WDR87: variants seen among roughly 807,000 people sequenced by gnomAD.
WDR87 encodes the protein WD repeat-containing protein 87.
In WDR87, 56 loss-of-function variants were observed where a neutral mutation model predicts 83.3. The ratio of observed to expected loss-of-function variants is 0.67; its 90% CI spans 0.54 to 0.84. WDR87 has a LOEUF of 0.84. Ranked by LOEUF, WDR87 falls within the 40% of genes least tolerant of loss-of-function variation. The probability of loss-of-function intolerance (pLI) is 0.00; values close to 1 mark genes in which losing one functional copy is unlikely to be tolerated. For synonymous variants in WDR87, 1,173 were observed against 1,250.6 expected (o/e 0.94, Z 1.31); for missense variants, 2,939 against 3,431.9 (o/e 0.86, Z 3.59).
Position 37,888,219 on chromosome 19 carries a change from G to A in WDR87, c.5452C>T (p.Gln1818Ter), listed in dbSNP as rs986247920. 4 of 1,551,934 alleles carry A rather than the reference G, an allele frequency of 2.6e-6. No individual in the cohort carries two copies. The highest frequency in any genetic ancestry group is 1.7e-6 in the Non-Finnish European group (2 of 1,147,082). Residue 1818 changes from glutamine to a stop codon, truncating the protein, a stop_gained, in exon 6 of 6, where the codon CAG becomes TAG. Coordinates refer to ENST00000447313, the MANE Select transcript of WDR87 (RefSeq NM_001291088.2). LOFTEE classifies it low-confidence loss of function (END_TRUNC). ...KLAQEEELLIQEKEKLAQHKE... is the reference protein window; with the variant it reads ...KLAQEEELLI ...TGCTGGGCCAGTTTCTCCTTTTCCT[G>A]GATCAGCAACTCTTCTTCCTGGGCC...
intron 2 of WDR87, among the ~76,000 whole-genome samples, chr19:37,897,520 T>C (rs2046265712): frequency 6.6e-6 from 1 of 151,976 alleles, no homozygotes; most frequent in Non-Finnish European, 1.5e-5. Flanking sequence ...CTGGGATCCT[T>C]GTATGCAGAG....
At position 37,889,793 on chromosome 19, in the gene WDR87, A is replaced by T. The variant is rs1437569229; in HGVS notation, c.3878T>A (p.Ile1293Lys). The change falls in exon 6 of 6, where the codon ATA becomes AAA. Residue 1293 changes from isoleucine to lysine, a missense_variant. Around this residue, in one of 3 missense-constraint regions of WDR87, gnomAD observed 2,160 missense variants for 2,533.1 expected, o/e 0.85. Transcript: ENST00000447313. ...DDLCRLMALR[I>K]SGSQTKMSEN... ...TGACATTTTTGTTTGGGAACCAGAT[A>T]TCCTCAGGGCCATAAGACGACATAG... The T allele has an allele frequency of 6.4e-7, 1 of 1,551,774 alleles. No homozygotes were observed.
rs780274711 is a variant in WDR87, at chr19:37,887,772, C to T, written c.5899G>A (p.Glu1967Lys). ...TTCATTTTTTCCTGGGCCAATTTCT[C>T]CTGTTTTTTGGCCAAACTATCCTCT... ...QVEDSLAKKQ[E>K]KLAQEKMKLA... Residue 1967 changes from glutamate (E) to lysine (K), a missense_variant, in exon 6 of 6, where the codon GAG becomes AAG. Coordinates refer to ENST00000447313, the MANE Select transcript of WDR87 (RefSeq NM_001291088.2). The T allele has an allele frequency of 1.2e-5, 18 of 1,551,828 alleles. No individual in the cohort carries two copies. The highest frequency in any genetic ancestry group is 2.7e-5 in the African/African-American group (2 of 73,002).
In WDR87 at chr19:37,885,715, C is replaced by T. The variant is rs1416816949; in HGVS notation, c.7956G>A (p.Trp2652Ter). The part of the protein sequence containing the change: ...PPIKAKEKES[W>*]PKPLAVPTQK... ...GTGTGGGGACAGCCAAAGGTTTTGG[C>T]CAGCTCTCCTTTTCCTTTGCTTTTA... Residue 2652 changes from tryptophan (W) to a stop codon, truncating the protein, a stop_gained, in exon 6 of 6, where the codon TGG becomes TGA. Transcript: ENST00000447313. LOFTEE classifies it low-confidence loss of function (END_TRUNC). The T allele has an allele frequency of 1.3e-6, 2 of 1,551,682 alleles. No individual in the cohort carries two copies. Among genetic ancestry groups the T allele is most frequent in the South Asian group, 1.2e-5 (1 of 84,056 alleles).
intron 5 of WDR87, 55 bp from the exon 6 acceptor site, chr19:37,890,331 C>T: frequency 6.9e-7 from 1 of 1,459,428 alleles, no homozygotes; most frequent in Non-Finnish European, 9.0e-7. Flanking sequence ...CGACATGAAA[C>T]CCTTCCCAAT....
rs2046187235 is a variant in WDR87, at chr19:37,889,735, A to G, written c.3936T>C (p.Ala1312=). 2 of 1,551,684 alleles carry G rather than the reference A, an allele frequency of 1.3e-6. No individual in the cohort carries two copies. Among genetic ancestry groups the G allele is most frequent in the Non-Finnish European group, 1.7e-6 (2 of 1,147,006 alleles). Residue 1312 remains alanine (A), a synonymous_variant, in exon 6 of 6, where the codon GCT becomes GCC. Transcript: ENST00000447313. ...ENLNAELVTF[A]QEMLVDRHPS... is the part of the protein sequence containing the mutation. ...GGTGCCTATCTACCAGCATCTCCTG[A>G]GCAAATGTCACTAGCTCAGCGTTTA...
Position 37,888,949 on chromosome 19 carries a change from C to T in WDR87, c.4722G>A (p.Glu1574=), listed in dbSNP as rs1295321213. 8.4e-6 allele frequency: 13 copies of T among 1,552,146 alleles called. No homozygotes were observed. The highest frequency in any genetic ancestry group is 1.1e-5 in the Non-Finnish European group (13 of 1,147,124). The change falls in exon 6 of 6, where the codon GAG becomes GAA. Residue 1574 remains glutamate (E), a synonymous_variant. Coordinates refer to ENST00000447313, the MANE Select transcript of WDR87 (RefSeq NM_001291088.2). ...CTTCTTCCTCATCCTTGTACTGTTG[C>T]TCCTTGGACTTAGATGATAACATAT... ...WENMLSSKSK[E]QQYKDEEEVT... is the part of the protein sequence containing the mutation.
Position 37,896,033 on chromosome 19 carries a change from C to T in WDR87, c.246+105G>A, listed in dbSNP as rs2046252775. 1.4e-5 allele frequency: 20 copies of T among 1,398,650 alleles called. No individual in the cohort carries two copies. The Admixed American group carries it at 4.2e-4, about 29-fold the overall frequency. 86.6% of individuals were successfully genotyped at this position (1,398,650 alleles called of 1,614,324 possible). On this transcript the variant is annotated intron_variant, in intron 3 of 5. Coordinates refer to ENST00000447313, the MANE Select transcript of WDR87 (RefSeq NM_001291088.2). ...TGAGGAGAGATTTCTGGTTCCAGACCACATTCATCCATGGGGAATATCCTC... is the reference window on the plus strand; with the variant it reads ...TGAGGAGAGATTTCTGGTTCCAGACTACATTCATCCATGGGGAATATCCTC...
Position 37,888,204 on chromosome 19 carries a change from G to C in WDR87, c.5467C>G (p.Leu1823Val), listed in dbSNP as rs1252193636. The C allele has an allele frequency of 2.6e-6, 4 of 1,551,996 alleles. No individual in the cohort carries two copies. Among genetic ancestry groups the C allele is most frequent in the Non-Finnish European group, 3.5e-6 (4 of 1,147,134 alleles). ...GGCATTTTTTCCTTGTGCTGGGCCA[G>C]TTTCTCCTTTTCCTGGATCAGCAAC... Reference protein sequence around the residue: ...EELLIQEKEKLAQHKEKMPEE... With the variant: ...EELLIQEKEKVAQHKEKMPEE... The change falls in exon 6 of 6, where the codon CTG (leucine) becomes GTG (valine). Residue 1823 changes from leucine (L) to valine (V), a missense_variant. This residue lies in a region of WDR87 where 2,160 missense variants were observed against 2,533.1 expected (regional missense o/e 0.85). Coordinates refer to ENST00000447313, the MANE Select transcript of WDR87 (RefSeq NM_001291088.2).
rs1318101952 is a variant in WDR87, at chr19:37,890,150, G to T, written c.3521C>A (p.Ser1174Tyr). The change falls in exon 6 of 6, where the codon TCC becomes TAC. Residue 1174 changes from serine (S) to tyrosine (Y), a missense_variant. Transcript: ENST00000447313. ...EAAPIEMEEA[S>Y]VYSQWSSSTS... is the part of the protein sequence containing the mutation. ...GCTTGAAGACCATTGGGAATAGACG[G>T]ATGCTTCCTCCATCTCAATTGGTGC... 37 of 1,551,940 alleles carry T rather than the reference G, an allele frequency of 2.4e-5. No homozygotes were observed. Among genetic ancestry groups the T allele is most frequent in the Non-Finnish European group, 3.1e-5 (35 of 1,147,044 alleles).
In WDR87 at chr19:37,890,182, A is replaced by C. The variant is rs561655704; in HGVS notation, c.3489T>G (p.Thr1163=). 6.4e-7 allele frequency: 1 copy of C among 1,551,822 alleles called. No homozygotes were observed. The highest frequency in any genetic ancestry group is 2.4e-5 in the East Asian group (1 of 40,928). The stretch of plus-strand genomic sequence containing the variant: ...CCTCCATCTCAATTGGTGCGGCCTC[A>C]GTCCCACTTTCATCCTCTAAGAGGC... ...EPGLLEDESG[T]EAAPIEMEEA... is the part of the protein sequence containing the mutation. Residue 1163 remains threonine, a synonymous_variant, in exon 6 of 6, where the codon ACT becomes ACG. Coordinates refer to ENST00000447313, the MANE Select transcript of WDR87 (RefSeq NM_001291088.2).
rs767762199 is a variant in WDR87, at chr19:37,895,322, G to A, written c.381C>T (p.Asp127=). The change falls in exon 4 of 6, where the codon GAC becomes GAT. Residue 127 remains aspartate (D), a synonymous_variant. Transcript: ENST00000447313. Reference sequence around the variant, plus strand: ...GGTCCCCAAAGAGTCGCAGGATCAGGTCACCACAGTAGACCACGAGGATAT... The same window carrying A: ...GGTCCCCAAAGAGTCGCAGGATCAGATCACCACAGTAGACCACGAGGATAT... ...SFHILVVYCG[D]LILRLFGDHF... is the part of the protein sequence containing the mutation. The A allele has an allele frequency of 1.3e-6, 2 of 1,551,748 alleles. No homozygotes were observed. The highest frequency in any genetic ancestry group is 2.4e-5 in the East Asian group (1 of 40,922).
At chr19:37,899,078 T>G (rs1411878286) in intron 1 of WDR87, among the ~76,000 whole-genome samples, 1 of 137,418 alleles carries the variant, frequency 7.3e-6, no homozygotes, top group Non-Finnish European at 1.5e-5. Flanking sequence ...CATCAATGAG[T>G]TGTTGTTGTG....
chr19:37,904,816 A>G (rs2046313599), intron 1 of WDR87, among the ~76,000 whole-genome samples: 2 of 152,202 alleles, frequency 1.3e-5, no homozygotes, highest in African/African-American at 4.8e-5. Flanking sequence ...TCATTTATTT[A>G]TTCAAATTTC....
rs1402899260 is a variant in WDR87 at position 37,890,233 on chromosome 19, GTCTC to G, written c.3434_3437del (p.Arg1145ThrfsTer5). The G allele has an allele frequency of 2.6e-6, 4 of 1,546,156 alleles. No individual in the cohort carries two copies. Among genetic ancestry groups the G allele is most frequent in the Non-Finnish European group, 2.6e-6 (3 of 1,144,154 alleles). On this transcript the variant is annotated frameshift_variant, in exon 6 of 6. Coordinates refer to ENST00000447313, the MANE Select transcript of WDR87 (RefSeq NM_001291088.2). LOFTEE classifies it low-confidence loss of function (END_TRUNC). ...CTGGCTCTGTGCTCATCTGTTTAGA[GTCTC>G]TCTCTTTCGTCTTCTTGAGACCCCG...
chr19:37,894,621 C>T lies in WDR87; in HGVS notation c.1082G>A (p.Cys361Tyr), dbSNP rs751719559. ...LPCFYSLFNV[C>Y]GSAPQQLRRV... ...ACGCAACTGCTGGGGAGCAGAGCCA[C>T]AGACATTGAAGAGGCTGTAGAAGCA... is the stretch of plus-strand genomic sequence containing the variant. The change falls in exon 4 of 6, where the codon TGT becomes TAT. Residue 361 changes from cysteine (C) to tyrosine (Y), a missense_variant. Coordinates refer to ENST00000447313, the MANE Select transcript of WDR87 (RefSeq NM_001291088.2). 1.3e-6 allele frequency: 2 copies of T among 1,551,718 alleles called. No homozygotes were observed. The highest frequency in any genetic ancestry group is 1.7e-6 in the Non-Finnish European group (2 of 1,146,994).
chr19:37,890,332 C>A (rs1382045252), intron 5 of WDR87, 56 bp from the exon 6 acceptor site: 1 of 1,456,846 alleles, frequency 6.9e-7, no homozygotes, highest in African/African-American at 1.4e-5. Flanking sequence ...GACATGAAAC[C>A]CTTCCCAATA....
At position 37,891,754 on chromosome 19, in the gene WDR87, G is replaced by A. The variant is rs865953049; in HGVS notation, c.3192C>T (p.Ile1064=). The change falls in exon 5 of 6, where the codon ATC becomes ATT. Residue 1064 remains isoleucine (I), a synonymous_variant. Coordinates refer to ENST00000447313, the MANE Select transcript of WDR87 (RefSeq NM_001291088.2). The part of the protein sequence containing the change: ...LLGMRATDLQ[I]LSTQVEQRLN... Reference sequence around the variant, plus strand: ...ATCTCTGCTCCACTTGAGTGGAAAGGATTTGGAGATCTGTGGCCCGCATCC... The same window carrying A: ...ATCTCTGCTCCACTTGAGTGGAAAGAATTTGGAGATCTGTGGCCCGCATCC... 6.4e-7 allele frequency: 1 copy of A among 1,552,218 alleles called. No individual in the cohort carries two copies. Among genetic ancestry groups the A allele is most frequent in the Non-Finnish European group, 8.7e-7 (1 of 1,147,110 alleles).
chr19:37,896,256 T>C lies in WDR87; in HGVS notation c.128A>G (p.Gln43Arg). The change falls in exon 3 of 6, where the codon CAG (glutamine) becomes CGG (arginine). Residue 43 changes from glutamine (Q) to arginine (R), a missense_variant. By Grantham distance (43) the Gln-to-Arg change is conservative. Transcript: ENST00000447313. The stretch of plus-strand genomic sequence containing the variant: ...ATAGCGAGACTCTTTGAACAGTACC[T>C]GGGACCGGTCACTCAGCACAATCAG... ...NCLIVLSDRS[Q>R]VLFKESRYPQ... 1 of 1,552,038 alleles carries C rather than the reference T, an allele frequency of 6.4e-7. No homozygotes were observed. Among genetic ancestry groups the C allele is most frequent in the Non-Finnish European group, 8.7e-7 (1 of 1,147,052 alleles).
Sources: allele counts gnomAD v4.1 joint callset (sites outside exome capture counted in the v4.1 genomes callset), GRCh38; gene constraint gnomAD v4.1.1; regional missense constraint gnomAD v4.1.1; transcripts MANE v1.5; gene names NCBI Gene and HGNC (gene_info 2026-07-23, HGNC 2026-07-21).